Variants in CNTNAP2 observed in about 807,000 individuals in gnomAD.
CNTNAP2 encodes contactin-associated protein-like 2.
A neutral mutation model predicts 155.2 loss-of-function variants in CNTNAP2; 98 were observed. That is an observed-to-expected ratio of 0.63 (90% CI 0.54 to 0.75). CNTNAP2 has a LOEUF of 0.75. Ranked by LOEUF, CNTNAP2 falls within the 30% of genes least tolerant of loss-of-function variation. CNTNAP2 has a pLI of 0.00. For missense variants in CNTNAP2, 1,727 were observed against 1,688.1 expected, an observed-to-expected ratio of 1.02 and a Z score of -0.40; for synonymous variants, 651 against 631.2, an observed-to-expected ratio of 1.03 and a Z score of -0.47.
intron 4 of CNTNAP2, among the ~76,000 whole-genome samples, chr7:147,071,247 C>A (rs1364271196): frequency 6.6e-6 from 1 of 150,836 alleles, no homozygotes. Flanking sequence ...AAAATAGTGA[C>A]TTTTTCTTCT....
At chr7:147,763,326 A>T (rs1223044774) in intron 13 of CNTNAP2, among the ~76,000 whole-genome samples, 2 of 151,974 alleles carry the variant, frequency 1.3e-5, no homozygotes, top group African/African-American at 4.8e-5. Flanking sequence ...GCTGTGATTG[A>T]ATCACTTTAG....
At chr7:146,554,815 C>T (rs1430101280) in intron 1 of CNTNAP2, among the ~76,000 whole-genome samples, 2 of 152,186 alleles carry the variant, frequency 1.3e-5, no homozygotes, top group East Asian at 3.9e-4. Flanking sequence ...GCGTAAGAGC[C>T]AGCAAGACCT....
intron 13 of CNTNAP2, among the ~76,000 whole-genome samples, chr7:147,662,302 G>A (rs369687177): frequency 3.3e-5 from 5 of 152,308 alleles, no homozygotes; most frequent in African/African-American, 1.2e-4. Flanking sequence ...ATGTCCCAAT[G>A]TATTCAGGAA....
At chr7:148,067,195 A>G (rs1460538224) in intron 15 of CNTNAP2, among the ~76,000 whole-genome samples, 1 of 152,054 alleles carries the variant, frequency 6.6e-6, no homozygotes, top group African/African-American at 2.4e-5. Flanking sequence ...ATATTACCAG[A>G]ATTGTTTTTC....
At chr7:146,979,075 G>C (rs1187855989) in intron 3 of CNTNAP2, among the ~76,000 whole-genome samples, 1 of 152,104 alleles carries the variant, frequency 6.6e-6, no homozygotes, top group South Asian at 2.1e-4. Context: ...GTTTAGCAAA[G>C]TGAGTCCAAA....
rs532277499 is a variant in CNTNAP2 at position 146,801,323 on chromosome 7, C to T, written c.208+26942C>T. On this transcript the variant is annotated intron_variant, in intron 2 of 23. Transcript: ENST00000361727. ...CATGATCCAAACATCTCTCACTAGA[C>T]GTCTGAGACCATCTCCAACATTTGT... Among the ~76,000 whole-genome samples the T allele has an allele frequency of 6.6e-5, 10 of 152,278 alleles. No homozygotes were observed. In the South Asian group the frequency reaches 1.5e-3, roughly 22 times the overall value.
chr7:147,931,829 C>T (rs1213970973), intron 14 of CNTNAP2, among the ~76,000 whole-genome samples: 1 of 152,096 alleles, frequency 6.6e-6, no homozygotes, highest in Middle Eastern at 3.2e-3. Flanking sequence ...TTTAGAGTTT[C>T]AATGCAATCC....
chr7:147,623,584 C>T (rs1231480051), intron 12 of CNTNAP2, among the ~76,000 whole-genome samples: 1 of 151,778 alleles, frequency 6.6e-6, no homozygotes, highest in East Asian at 1.9e-4. Context: ...ATAAAACACT[C>T]ATGAAAGAAA....
chr7:147,911,095 C>T (rs1800057790), intron 14 of CNTNAP2, among the ~76,000 whole-genome samples: 1 of 150,360 alleles, frequency 6.7e-6, no homozygotes, highest in Non-Finnish European at 1.5e-5. Flanking sequence ...AAACGCTATA[C>T]CCATTGAACA....
At chr7:148,022,481 AAAAG>A (rs539176840) in intron 15 of CNTNAP2, among the ~76,000 whole-genome samples, 29,029 of 78,002 alleles carry the variant, frequency 0.37, 3,525 homozygotes, top group East Asian at 0.58. Context: ...AAAAAAAAAA[AAAAG>A]AAAAGAAAAG....
At chr7:147,558,299 C>A (rs1799989836) in intron 11 of CNTNAP2, among the ~76,000 whole-genome samples, 2 of 152,048 alleles carry the variant, frequency 1.3e-5, no homozygotes, top group East Asian at 3.9e-4. Context: ...GCATTCTAAC[C>A]TTATCATATG....
rs371104027 is a variant in CNTNAP2, at chr7:147,546,481, A to G, written c.1778-15657A>G. ...GCTGAGTATAGAACAATCTTCTGGA[A>G]AAGTGAACATCAAGGGACATGCCCA... On this transcript the variant is annotated intron_variant, in intron 11 of 23. Transcript: ENST00000361727. Among the ~76,000 whole-genome samples the G allele has an allele frequency of 2.6e-5, 4 of 152,214 alleles. No homozygotes were observed. The South Asian group carries it at 8.3e-4, about 31-fold the overall frequency.
At chr7:146,671,386 C>A (rs1449758698) in intron 1 of CNTNAP2, among the ~76,000 whole-genome samples, 1 of 151,922 alleles carries the variant, frequency 6.6e-6, no homozygotes, top group African/African-American at 2.4e-5. Context: ...CCACCTCTGT[C>A]TCTTTCTTTT....
intron 10 of CNTNAP2, among the ~76,000 whole-genome samples, chr7:147,453,427 G>A (rs749138955): frequency 1.3e-5 from 2 of 152,000 alleles, no homozygotes; most frequent in East Asian, 1.9e-4. Flanking sequence ...TCCCCATTAC[G>A]GTGTGATCTC....
At chr7:148,170,386 T>G (rs183922468) in intron 17 of CNTNAP2, among the ~76,000 whole-genome samples, 4 of 152,320 alleles carry the variant, frequency 2.6e-5, no homozygotes, top group Admixed American at 2.6e-4. Context: ...CAAATTGAAA[T>G]TCTAACACAC....
intron 1 of CNTNAP2, among the ~76,000 whole-genome samples, chr7:146,630,692 T>A (rs377298680): frequency 6.6e-6 from 1 of 151,634 alleles, no homozygotes; most frequent in African/African-American, 2.4e-5. Context: ...TGAGATCGTA[T>A]CTCACTGTGG....
At chr7:147,033,284 T>C (rs1799079363) in intron 3 of CNTNAP2, among the ~76,000 whole-genome samples, 1 of 149,644 alleles carries the variant, frequency 6.7e-6, no homozygotes, top group Non-Finnish European at 1.5e-5. Flanking sequence ...TTCAAGTGAA[T>C]TACCCAAGTG....
intron 21 of CNTNAP2, among the ~76,000 whole-genome samples, chr7:148,278,774 G>A (rs1585237181): frequency 1.3e-5 from 2 of 152,204 alleles, no homozygotes; most frequent in Admixed American, 1.3e-4. Flanking sequence ...TTAGCAATAA[G>A]TGCTATGAAG....
chr7:147,724,543 G>A (rs546704964), intron 13 of CNTNAP2, among the ~76,000 whole-genome samples: 1 of 152,118 alleles, frequency 6.6e-6, no homozygotes, highest in Admixed American at 6.6e-5. Flanking sequence ...TTCCTGTTGA[G>A]GTGTTGTTGT....
Sources: gnomAD v4.1 joint callset for allele counts (sites outside exome capture counted in the v4.1 genomes callset) on GRCh38, gnomAD v4.1.1 for gene constraint, MANE v1.5 for transcripts, NCBI Gene and HGNC (gene_info 2026-07-23, HGNC 2026-07-21) for gene names.